The following SFXN5 variants were observed in gnomAD, a reference collection of about 807,000 sequenced individuals.
SFXN5 encodes the protein sideroflexin 5.
In SFXN5, 43 loss-of-function variants were observed where a neutral mutation model predicts 50.2. The observed-to-expected ratio is 0.86, with a 90% CI of 0.67 to 1.11. The LOEUF is 1.11. Among genes scored for constraint, SFXN5 ranks in the 50% least tolerant of loss-of-function variants. The probability of loss-of-function intolerance (pLI) is 0.00; values close to 1 mark genes in which losing one functional copy is unlikely to be tolerated. For synonymous variants in SFXN5, 203 were observed against 185.8 expected, an observed-to-expected ratio of 1.09 and a Z score of -0.75; for missense variants, 463 against 454.1, an observed-to-expected ratio of 1.02 and a Z score of -0.18.
chr2:73,001,469 A>G (rs1233800404), intron 7 of SFXN5, 56 bp downstream of exon 7: 2 of 1,591,848 alleles, frequency 1.3e-6, no homozygotes, highest in East Asian at 4.5e-5. Context: ...GGAGTTCTTA[A>G]CCAGCACCTG....
chr2:72,963,296 G>T (rs1304634357), intron 12 of SFXN5, among the ~76,000 whole-genome samples: 4 of 152,222 alleles, frequency 2.6e-5, no homozygotes, highest in African/African-American at 9.6e-5. Context: ...TGAAGAGCAG[G>T]CCATGGGCTC....
At chr2:72,993,887 T>C (rs905313519) in intron 9 of SFXN5, among the ~76,000 whole-genome samples, 4 of 152,156 alleles carry the variant, frequency 2.6e-5, no homozygotes, top group African/African-American at 7.2e-5. Flanking sequence ...GACTTGACTA[T>C]AGCCAGAAAA....
At chr2:72,996,237 G>A (rs560155719) in intron 9 of SFXN5, among the ~76,000 whole-genome samples, 1 of 152,258 alleles carries the variant, frequency 6.6e-6, no homozygotes, top group South Asian at 2.1e-4. Flanking sequence ...GAGGGGTGCT[G>A]GAGCTCACAG....
intron 3 of SFXN5, among the ~76,000 whole-genome samples, chr2:73,026,838 C>T (rs1677618020): frequency 6.6e-6 from 1 of 152,062 alleles, no homozygotes; most frequent in Non-Finnish European, 1.5e-5. Flanking sequence ...AAGCGATTCT[C>T]CTGCCTCAGC....
chr2:72,971,817 G>C, intron 10 of SFXN5, 132 bp from the exon 11 acceptor site: 1 of 654,250 alleles, frequency 1.5e-6, no homozygotes, highest in Non-Finnish European at 2.7e-6. Flanking sequence ...GGTTAGGGAA[G>C]GGGTGGTTCT....
rs1671825855 is a variant in SFXN5, at chr2:72,945,376, G to C, written c.946-277C>G. Reference sequence around the variant, plus strand: ...GGACATCCTACACACTGGCCTCTGAGTTCTGCATCTCCCTCACCCCCAAGA... The same window carrying C: ...GGACATCCTACACACTGGCCTCTGACTTCTGCATCTCCCTCACCCCCAAGA... On this transcript the variant is annotated intron_variant, in intron 13 of 13. Coordinates refer to ENST00000272433, the MANE Select transcript of SFXN5 (RefSeq NM_144579.3). This position sits in a 1 kb window ranked among gnomAD's most constrained non-coding sequence, Gnocchi z 5.8. Among the ~76,000 whole-genome samples, 1 of 152,052 alleles carries C rather than the reference G, an allele frequency of 6.6e-6. No homozygotes were observed. The highest frequency in any genetic ancestry group is 1.5e-5 in the Non-Finnish European group (1 of 67,998).
chr2:73,002,580 T>A (rs1402419522), intron 6 of SFXN5, among the ~76,000 whole-genome samples: 1 of 152,218 alleles, frequency 6.6e-6, no homozygotes, highest in Non-Finnish European at 1.5e-5. Flanking sequence ...AAGGAACAAG[T>A]ATAAACACTC....
intron 13 of SFXN5, among the ~76,000 whole-genome samples, chr2:72,948,565 G>A (rs1237471639): frequency 6.6e-6 from 1 of 152,220 alleles, no homozygotes; most frequent in Non-Finnish European, 1.5e-5. Context: ...TAAAATCAGA[G>A]AGGCTGCTCA....
intron 2 of SFXN5, among the ~76,000 whole-genome samples, chr2:73,050,385 A>G (rs1681091737): frequency 1.5e-5 from 1 of 66,454 alleles, no homozygotes; most frequent in Admixed American, 2.1e-4. Flanking sequence ...CCGCAGCCAC[A>G]GCGCACGCAC....
At chr2:73,026,477 AC>A (rs1157154933) in intron 3 of SFXN5, among the ~76,000 whole-genome samples, 5 of 152,046 alleles carry the variant, frequency 3.3e-5, no homozygotes, top group Non-Finnish European at 7.4e-5. Context: ...TTGGTCAATG[AC>A]AAACCACATA....
At chr2:72,963,373 CCT>C (rs1479690363) in intron 12 of SFXN5, among the ~76,000 whole-genome samples, 1 of 152,202 alleles carries the variant, frequency 6.6e-6, no homozygotes, top group Admixed American at 6.5e-5. Context: ...GACCAAGGCT[CCT>C]CTCTCAGGGT....
At chr2:73,030,918 A>C (rs549141760) in intron 3 of SFXN5, among the ~76,000 whole-genome samples, 4 of 152,340 alleles carry the variant, frequency 2.6e-5, no homozygotes, top group African/African-American at 9.6e-5. Context: ...TGGGGGAGAG[A>C]AAAAGGGAGA....
intron 10 of SFXN5, among the ~76,000 whole-genome samples, chr2:72,986,924 C>T (rs568805832): frequency 1.3e-5 from 2 of 152,312 alleles, no homozygotes; most frequent in East Asian, 3.9e-4. Flanking sequence ...TACCCAAAGG[C>T]TTGAAACCTA....
intron 10 of SFXN5, among the ~76,000 whole-genome samples, chr2:72,978,209 T>C (rs981646848): frequency 2.6e-5 from 4 of 151,870 alleles, no homozygotes; most frequent in Non-Finnish European, 4.4e-5. Context: ...GGTTCCCAAC[T>C]ATACTGGGAA....
At chr2:72,995,682 G>A (rs1673139130) in intron 9 of SFXN5, among the ~76,000 whole-genome samples, 1 of 152,122 alleles carries the variant, frequency 6.6e-6, no homozygotes, top group African/African-American at 2.4e-5. Context: ...TTGTTTGCAG[G>A]TCATCTCCTC....
intron 6 of SFXN5, among the ~76,000 whole-genome samples, chr2:73,012,828 T>C (rs184351490): frequency 6.6e-6 from 1 of 151,260 alleles, no homozygotes; most frequent in African/African-American, 2.4e-5. Flanking sequence ...AAGTAGAGAG[T>C]AGAGTGAAAT....
intron 10 of SFXN5, among the ~76,000 whole-genome samples, chr2:72,978,159 TTC>T (rs1483923760): frequency 2.6e-5 from 4 of 152,088 alleles, no homozygotes; most frequent in Non-Finnish European, 5.9e-5. Flanking sequence ...TTGCTCTCTC[TTC>T]TGTTTGGAAA....
intron 9 of SFXN5, among the ~76,000 whole-genome samples, chr2:72,995,697 C>T (rs1031829419): frequency 6.6e-5 from 10 of 152,214 alleles, no homozygotes; most frequent in Admixed American, 5.9e-4. Context: ...CTCCTCCTAA[C>T]AGGCTTGCCC....
chr2:73,058,329 G>A (rs1682392840), intron 2 of SFXN5, 199 bp downstream of exon 2: 2 of 538,870 alleles, frequency 3.7e-6, no homozygotes, highest in Non-Finnish European at 3.3e-6. Context: ...ACAGCACAAT[G>A]TATCAACTCA....
Sources: gnomAD v4.1 joint callset for allele counts (sites outside exome capture counted in the v4.1 genomes callset) on GRCh38, gnomAD v4.1.1 for gene constraint, Gnocchi (gnomAD v3.1) non-coding constraint, MANE v1.5 for transcripts, NCBI Gene and HGNC (gene_info 2026-07-23, HGNC 2026-07-21) for gene names.